The following PPM1L variants were observed in gnomAD, a reference collection of about 807,000 sequenced individuals.
The protein encoded by PPM1L is protein phosphatase 1L.
PPM1L carries 13 observed loss-of-function variants against 31.4 expected under a neutral mutation model. That is an observed-to-expected ratio of 0.41 (90% CI 0.27 to 0.66). The LOEUF is 0.66. Among genes scored for constraint, PPM1L ranks in the 30% least tolerant of loss-of-function variants. The pLI is 0.29. For missense variants in PPM1L, 326 were observed against 453.7 expected (o/e 0.72, Z 2.56); for synonymous variants, 184 against 175.4 (o/e 1.05, Z -0.39).
chr3:160,966,064 A>G (rs1049223616), intron 2 of PPM1L, among the ~76,000 whole-genome samples: 1 of 151,986 alleles, frequency 6.6e-6, no homozygotes, highest in African/African-American at 2.4e-5. Context: ...TCAGCTATCT[A>G]GCAACCTGGA....
intron 1 of PPM1L, among the ~76,000 whole-genome samples, chr3:160,937,714 T>C (rs1417025240): frequency 6.6e-6 from 1 of 152,202 alleles, no homozygotes; most frequent in African/African-American, 2.4e-5. Context: ...GCTTAAAGCA[T>C]TTCAATGCTT....
At chr3:160,842,784 C>G (rs1713925635) in intron 1 of PPM1L, among the ~76,000 whole-genome samples, 1 of 152,144 alleles carries the variant, frequency 6.6e-6, no homozygotes, top group African/African-American at 2.4e-5. Context: ...ATTTTGATGT[C>G]TAGGTGCCAA....
At chr3:160,814,250 A>G (rs1249835848) in intron 1 of PPM1L, among the ~76,000 whole-genome samples, 1 of 152,130 alleles carries the variant, frequency 6.6e-6, no homozygotes, top group Non-Finnish European at 1.5e-5. Context: ...TGGGATCTGA[A>G]CAGTAGATAC....
At chr3:160,793,078 A>G (rs1474614009) in intron 1 of PPM1L, among the ~76,000 whole-genome samples, 1 of 152,124 alleles carries the variant, frequency 6.6e-6, no homozygotes, top group Non-Finnish European at 1.5e-5. Flanking sequence ...TTTGATGTTA[A>G]CCTTGATCAT....
At chr3:160,835,579 T>C (rs1453130721) in intron 1 of PPM1L, among the ~76,000 whole-genome samples, 3 of 152,094 alleles carry the variant, frequency 2.0e-5, no homozygotes, top group African/African-American at 7.2e-5. Flanking sequence ...TGCATTTTTA[T>C]TTCTCCTCAT....
chr3:160,881,007 TG>T (rs1008948537), intron 1 of PPM1L, among the ~76,000 whole-genome samples: 8 of 152,238 alleles, frequency 5.3e-5, no homozygotes, highest in African/African-American at 1.9e-4. Context: ...TTTGATTTTA[TG>T]GTAATGTTTT....
intron 1 of PPM1L, among the ~76,000 whole-genome samples, chr3:160,802,453 G>A (rs951618586): frequency 6.6e-6 from 1 of 152,178 alleles, no homozygotes; most frequent in Non-Finnish European, 1.5e-5. Context: ...GTGTTAGAAC[G>A]TTTTTATTTT....
At chr3:161,035,376 C>T (rs1718715767) in intron 2 of PPM1L, among the ~76,000 whole-genome samples, 1 of 152,154 alleles carries the variant, frequency 6.6e-6, no homozygotes, top group Non-Finnish European at 1.5e-5. Flanking sequence ...TGTTGCACAG[C>T]GCCCCTCGGC....
Position 161,014,728 on chromosome 3 carries a change from C to A in PPM1L, c.575-50675C>A, listed in dbSNP as rs187656684. Among the ~76,000 whole-genome samples the A allele has an allele frequency of 2.2e-3, 334 of 152,256 alleles. 2 individuals carry two copies. Among genetic ancestry groups the A allele is most frequent in the African/African-American group, 7.6e-3 (314 of 41,572 alleles). On this transcript the variant is annotated intron_variant, in intron 2 of 3. Transcript: ENST00000498165. Reference sequence around the variant, plus strand: ...CTCATGATCCGCCTGTCTGGACCTCCCAAAGTGATGGGATTATAGGCGTGA... The same window carrying A: ...CTCATGATCCGCCTGTCTGGACCTCACAAAGTGATGGGATTATAGGCGTGA...
chr3:160,914,853 A>G (rs990012273), intron 1 of PPM1L, among the ~76,000 whole-genome samples: 16 of 152,120 alleles, frequency 1.1e-4, no homozygotes, highest in Non-Finnish European at 2.1e-4. Flanking sequence ...TAGATCCCTG[A>G]GGAATTGCCA....
intron 1 of PPM1L, among the ~76,000 whole-genome samples, chr3:160,765,633 A>G (rs1715084508): frequency 6.6e-6 from 1 of 152,216 alleles, no homozygotes; most frequent in Non-Finnish European, 1.5e-5. Context: ...AAAATCTGCA[A>G]TATTTTTGCC....
chr3:160,835,930 AGG>A (rs1299816011), intron 1 of PPM1L, among the ~76,000 whole-genome samples: 6 of 152,026 alleles, frequency 3.9e-5, no homozygotes, highest in Non-Finnish European at 1.5e-5. Context: ...GGGGGTATCT[AGG>A]GATACCCCCT....
At chr3:160,924,648 AT>A (rs1714525898) in intron 1 of PPM1L, among the ~76,000 whole-genome samples, 1 of 152,186 alleles carries the variant, frequency 6.6e-6, no homozygotes, top group South Asian at 2.1e-4. Flanking sequence ...CCTGAAAAAC[AT>A]TTGCTATTTC....
chr3:160,961,990 G>T (rs1324658527), intron 2 of PPM1L, 80 bp downstream of exon 2: 2 of 1,120,916 alleles, frequency 1.8e-6, no homozygotes, highest in South Asian at 1.9e-5. Flanking sequence ...TTGGTAAAAG[G>T]TTAAGGGCAA....
chr3:160,770,148 TTTC>T (rs1343740750), intron 1 of PPM1L, among the ~76,000 whole-genome samples: 1 of 147,224 alleles, frequency 6.8e-6, no homozygotes, highest in Non-Finnish European at 1.5e-5. Context: ...CTCTCTCTAC[TTTC>T]TTTTCTTTTC....
intron 1 of PPM1L, among the ~76,000 whole-genome samples, chr3:160,767,950 C>A (rs562205906): frequency 6.6e-6 from 1 of 152,042 alleles, no homozygotes; most frequent in South Asian, 2.1e-4. Flanking sequence ...TATTTTCTGG[C>A]CAAATAAGTC....
At chr3:161,001,730 C>G (rs1319851910) in intron 2 of PPM1L, among the ~76,000 whole-genome samples, 1 of 152,086 alleles carries the variant, frequency 6.6e-6, no homozygotes, top group South Asian at 2.1e-4. Context: ...TCTTCTCCAT[C>G]CTATTAGGAT....
chr3:161,057,815 T>A (rs893615482), intron 2 of PPM1L, among the ~76,000 whole-genome samples: 1 of 151,964 alleles, frequency 6.6e-6, no homozygotes, highest in Admixed American at 6.6e-5. Flanking sequence ...AAACCTGATG[T>A]CAGTTTCACT....
intron 1 of PPM1L, among the ~76,000 whole-genome samples, chr3:160,817,223 A>T (rs1167995251): frequency 6.6e-6 from 1 of 152,024 alleles, no homozygotes; most frequent in Admixed American, 6.6e-5. Flanking sequence ...CCAGGAGTGG[A>T]ATATAAGATT....
Sources: allele counts gnomAD v4.1 joint callset (sites outside exome capture counted in the v4.1 genomes callset), GRCh38; gene constraint gnomAD v4.1.1; transcripts MANE v1.5; gene names NCBI Gene and HGNC (gene_info 2026-07-23, HGNC 2026-07-21).